The following BBS9 variants were observed in gnomAD, a reference collection of about 807,000 sequenced individuals.
BBS9 encodes protein PTHB1.
A neutral mutation model predicts 117.7 loss-of-function variants in BBS9; 89 were observed. The ratio of observed to expected loss-of-function variants is 0.76; its 90% CI spans 0.64 to 0.90. BBS9 has a LOEUF of 0.90. Among genes scored for constraint, BBS9 ranks in the 40% least tolerant of loss-of-function variants. The pLI is 0.00. For synonymous variants in BBS9, 379 were observed against 370.9 expected, an observed-to-expected ratio of 1.02 and a Z score of -0.25; for missense variants, 982 against 1,042.2, an observed-to-expected ratio of 0.94 and a Z score of 0.80.
At chr7:33,447,594 A>G (rs546282411) in intron 19 of BBS9, among the ~76,000 whole-genome samples, 1 of 152,348 alleles carries the variant, frequency 6.6e-6, no homozygotes, top group South Asian at 2.1e-4. Context: ...CGTATCTGCT[A>G]CTAGAAATAT....
Position 33,151,237 on chromosome 7 carries a change from G to A in BBS9, c.113-1464G>A, listed in dbSNP as rs565963477. ...ACTGTACTCAAGCCTGGGCAACAGA[G>A]TGAGACCCTGTCTCAAAGGAAAAAA... On this transcript the variant is annotated intron_variant, in intron 2 of 22. Coordinates refer to ENST00000242067, the MANE Select transcript of BBS9 (RefSeq NM_198428.3). Among the ~76,000 whole-genome samples, 4 of 152,076 alleles carry A rather than the reference G, an allele frequency of 2.6e-5. No homozygotes were observed. The South Asian group carries it at 8.3e-4, about 31-fold the overall frequency.
intron 19 of BBS9, among the ~76,000 whole-genome samples, chr7:33,473,410 G>T (rs535068528): frequency 1.4e-5 from 2 of 140,372 alleles, no homozygotes; most frequent in Non-Finnish European, 3.0e-5. Context: ...TGCAACTTCC[G>T]CCTCCTGGGT....
intron 10 of BBS9, among the ~76,000 whole-genome samples, chr7:33,339,394 G>C (rs190668499): frequency 6.6e-6 from 1 of 152,300 alleles, no homozygotes; most frequent in African/African-American, 2.4e-5. Context: ...ATAAAGTTGG[G>C]CTTTAAGTAA....
chr7:33,390,635 G>A (rs976345299), intron 19 of BBS9: 1 of 963,860 alleles, frequency 1.0e-6, no homozygotes, highest in Non-Finnish European at 1.2e-6. Flanking sequence ...GCATAATAAA[G>A]TCTATTTTAA....
intron 5 of BBS9, among the ~76,000 whole-genome samples, chr7:33,196,441 T>A (rs560257615): frequency 6.6e-6 from 1 of 152,288 alleles, no homozygotes; most frequent in African/African-American, 2.4e-5. Flanking sequence ...CTGGGGTGAA[T>A]GAACAGCCAG....
intron 19 of BBS9, among the ~76,000 whole-genome samples, chr7:33,487,168 A>G (rs1843226693): frequency 6.6e-6 from 1 of 152,186 alleles, no homozygotes; most frequent in South Asian, 2.1e-4. Flanking sequence ...ACTCTTAAAT[A>G]GCATTCTTTG....
intron 4 of BBS9, among the ~76,000 whole-genome samples, chr7:33,160,098 A>G (rs570914732): frequency 4.6e-5 from 7 of 152,306 alleles, no homozygotes; most frequent in African/African-American, 1.7e-4. Flanking sequence ...GAGCAGTTCT[A>G]TTATTTAGCA....
rs551390628 is a variant in BBS9, at chr7:33,288,422, A to G, written c.1016+14466A>G. On this transcript the variant is annotated intron_variant, in intron 9 of 22. Transcript: ENST00000242067. ...TGGCAAGACTGTAACAGTTTCAATC[A>G]AGTAGAAGATGACAAAATGTTATTC... Among the ~76,000 whole-genome samples the G allele has an allele frequency of 6.8e-4, 104 of 152,284 alleles. 1 individual carries two copies. In the South Asian group the frequency reaches 0.019, roughly 28 times the overall value.
intron 5 of BBS9, among the ~76,000 whole-genome samples, chr7:33,196,744 A>C (rs893974621): frequency 1.3e-5 from 2 of 152,200 alleles, no homozygotes; most frequent in Non-Finnish European, 2.9e-5. Flanking sequence ...CACAGTGAGA[A>C]GTCGGAAGAT....
intron 21 of BBS9, among the ~76,000 whole-genome samples, chr7:33,612,591 T>G (rs1216565948): frequency 2.0e-5 from 3 of 151,378 alleles, no homozygotes; most frequent in East Asian, 2.0e-4. Flanking sequence ...CCTCCCATCA[T>G]TTGCATGTAT....
intron 7 of BBS9, among the ~76,000 whole-genome samples, chr7:33,269,905 C>T (rs1799484689): frequency 6.6e-6 from 1 of 151,708 alleles, no homozygotes. Flanking sequence ...TGCCTGTAGT[C>T]CCAGCTACTC....
At chr7:33,269,169 A>T (rs577040975) in intron 7 of BBS9, among the ~76,000 whole-genome samples, 1 of 152,192 alleles carries the variant, frequency 6.6e-6, no homozygotes, top group Non-Finnish European at 1.5e-5. Flanking sequence ...AAATATTTTA[A>T]TATCTAAAGT....
chr7:33,310,081 T>G (rs1406736808), intron 9 of BBS9, among the ~76,000 whole-genome samples: 1 of 152,194 alleles, frequency 6.6e-6, no homozygotes, highest in African/African-American at 2.4e-5. Context: ...ACCTTAGTGT[T>G]GAGTAGCTGT....
chr7:33,184,775 A>G (rs1214006216), intron 5 of BBS9, among the ~76,000 whole-genome samples: 1 of 152,220 alleles, frequency 6.6e-6, no homozygotes, highest in Non-Finnish European at 1.5e-5. Flanking sequence ...ATCTCAAACA[A>G]GAAAGAATTC....
At chr7:33,593,241 C>G (rs2129182341) in intron 21 of BBS9, among the ~76,000 whole-genome samples, 1 of 152,218 alleles carries the variant, frequency 6.6e-6, no homozygotes, top group African/African-American at 2.4e-5. Flanking sequence ...AGACATTGAT[C>G]AAATGGCAAG....
chr7:33,201,041 A>T (rs890578779), intron 5 of BBS9, among the ~76,000 whole-genome samples: 1 of 152,036 alleles, frequency 6.6e-6, no homozygotes, highest in Non-Finnish European at 1.5e-5. Context: ...TGGCTGTTTT[A>T]TTGGGGACTC....
At chr7:33,536,698 T>TACCCCCCGCCCCCCGCCG (rs1563323435) in intron 21 of BBS9, among the ~76,000 whole-genome samples, 2 of 40,696 alleles carry the variant, frequency 4.9e-5, no homozygotes, top group African/African-American at 9.5e-5. Flanking sequence ...GCCCCCCGCC[T>TACCCCCCGCCCCCCGCCG]CCCCCCACCC....
At chr7:33,627,979 C>T (rs1469130376) in intron 21 of BBS9, among the ~76,000 whole-genome samples, 4 of 152,038 alleles carry the variant, frequency 2.6e-5, no homozygotes, top group South Asian at 4.1e-4. Flanking sequence ...TGTGATTGTG[C>T]CACTACATTC....
chr7:33,477,237 A>G (rs1279106385), intron 19 of BBS9, among the ~76,000 whole-genome samples: 1 of 152,232 alleles, frequency 6.6e-6, no homozygotes, highest in Non-Finnish European at 1.5e-5. Context: ...CCCAATAAAT[A>G]TTAGCCATCA....
Sources: gnomAD v4.1 joint callset for allele counts (sites outside exome capture counted in the v4.1 genomes callset) on GRCh38, gnomAD v4.1.1 for gene constraint, MANE v1.5 for transcripts, NCBI Gene and HGNC (gene_info 2026-07-23, HGNC 2026-07-21) for gene names.